TLL1: variants seen among roughly 807,000 people sequenced by gnomAD.
The protein encoded by TLL1 is tolloid-like protein 1.
TLL1 carries 49 observed loss-of-function variants against 128.2 expected under a neutral mutation model. The observed-to-expected ratio is 0.38, with a 90% CI of 0.30 to 0.48. The LOEUF is 0.48. Ranked by LOEUF, TLL1 falls within the 20% of genes least tolerant of loss-of-function variation. The pLI, the probability that TLL1 is intolerant of heterozygous loss-of-function variation, is 0.96. For missense variants in TLL1, 1,123 were observed against 1,242.0 expected (o/e 0.90, Z 1.44); for synonymous variants, 454 against 418.8 (o/e 1.08, Z -1.03).
intron 1 of TLL1, among the ~76,000 whole-genome samples, chr4:165,925,005 CA>C (rs200095408): frequency 1.3e-5 from 2 of 151,764 alleles, no homozygotes; most frequent in Admixed American, 6.6e-5. Context: ...CTTACTGCTC[CA>C]AAAAAAAGAT....
chr4:166,092,643 G>T (rs1407091698), intron 19 of TLL1, among the ~76,000 whole-genome samples: 1 of 151,956 alleles, frequency 6.6e-6, no homozygotes, highest in Non-Finnish European at 1.5e-5. Context: ...AGAAAATATC[G>T]TCATCATAGG....
intron 1 of TLL1, among the ~76,000 whole-genome samples, chr4:165,877,596 C>T (rs1387366415): frequency 6.6e-6 from 1 of 152,094 alleles, no homozygotes; most frequent in East Asian, 1.9e-4. Flanking sequence ...CTGTGAGGAG[C>T]CTGGGCAAAT....
At position 165,974,404 on chromosome 4, in the gene TLL1, TGC is replaced by T. The variant is rs1363590829; in HGVS notation, c.170-14976_170-14975del. ...ATCCGCCCGCCTCGGCCTCCCAAAG[TGC>T]TGGGATTACAGGCGTGAGCCACCGC... is the stretch of plus-strand genomic sequence containing the variant. On this transcript the variant is annotated intron_variant, in intron 1 of 20. Coordinates refer to ENST00000061240, the MANE Select transcript of TLL1 (RefSeq NM_012464.5). Among the ~76,000 whole-genome samples the T allele has an allele frequency of 3.1e-5, 4 of 130,982 alleles. 1 individual carries two copies. Among genetic ancestry groups the T allele is most frequent in the African/African-American group, 1.8e-4 (4 of 21,894 alleles). The allele number at this position is 130,982 out of a possible 152,430, so 85.9% of individuals were successfully genotyped here.
chr4:165,885,884 A>G (rs1391327850), intron 1 of TLL1, among the ~76,000 whole-genome samples: 1 of 152,180 alleles, frequency 6.6e-6, no homozygotes, highest in Non-Finnish European at 1.5e-5. Context: ...ATGTTAACAG[A>G]TATATCCTTA....
intron 8 of TLL1, among the ~76,000 whole-genome samples, chr4:166,024,377 G>T (rs1046809318): frequency 6.6e-6 from 1 of 152,176 alleles, no homozygotes; most frequent in Non-Finnish European, 1.5e-5. Flanking sequence ...CTTGTAATAT[G>T]ATAATAGCTC....
chr4:166,034,836 AG>A (rs1020903845), intron 9 of TLL1, among the ~76,000 whole-genome samples: 11 of 152,166 alleles, frequency 7.2e-5, no homozygotes, highest in Admixed American at 7.2e-4. Flanking sequence ...TCACTCTCAG[AG>A]GTAGAAGCTG....
At position 166,100,875 on chromosome 4, in the gene TLL1, A is replaced by T; in HGVS notation, c.3041A>T (p.Ter1014LeuextTer13). ...RYPDTTHTKK* is the reference protein window; with the variant it reads ...RYPDTTHTKKL The stretch of plus-strand genomic sequence containing the variant: ...CCAGATACCACACATACCAAAAAAT[A>T]ACACCAAAACCTCTGTCAGAACACA... The change falls in exon 21 of 21, where the codon TAA (stop) becomes TTA (leucine). Residue 1014 changes from the stop codon to leucine (L), a stop_lost. Transcript: ENST00000061240. The T allele has an allele frequency of 6.2e-7, 1 of 1,612,506 alleles. No individual in the cohort carries two copies. The highest frequency in any genetic ancestry group is 2.2e-5 in the East Asian group (1 of 44,604).
chr4:165,918,717 C>G (rs1258588660), intron 1 of TLL1, among the ~76,000 whole-genome samples: 1 of 152,142 alleles, frequency 6.6e-6, no homozygotes, highest in African/African-American at 2.4e-5. Flanking sequence ...CTATCATTTT[C>G]ATTTCCTCTA....
intron 9 of TLL1, among the ~76,000 whole-genome samples, chr4:166,029,690 G>A (rs1013436523): frequency 3.9e-5 from 6 of 152,066 alleles, no homozygotes; most frequent in Non-Finnish European, 7.4e-5. Flanking sequence ...CTTTGTGCCT[G>A]GCAATCATCA....
chr4:166,008,718 G>A (rs1473577811), intron 7 of TLL1, among the ~76,000 whole-genome samples: 1 of 151,198 alleles, frequency 6.6e-6, no homozygotes, highest in Non-Finnish European at 1.5e-5. Flanking sequence ...ATAGTTCCCA[G>A]GTAAGGAATT....
At chr4:165,892,037 G>C (rs749810795) in intron 1 of TLL1, among the ~76,000 whole-genome samples, 2 of 152,214 alleles carry the variant, frequency 1.3e-5, no homozygotes. Context: ...CTACAATCAC[G>C]GTGGAATGGG....
At chr4:165,958,334 A>C (rs1438426723) in intron 1 of TLL1, among the ~76,000 whole-genome samples, 1 of 109,192 alleles carries the variant, frequency 9.2e-6, no homozygotes, top group Non-Finnish European at 1.8e-5. Flanking sequence ...CCAACAGTGT[A>C]AAAGTGTTCC....
intron 1 of TLL1, among the ~76,000 whole-genome samples, chr4:165,975,602 A>G (rs1735840832): frequency 6.6e-6 from 1 of 152,218 alleles, no homozygotes; most frequent in Non-Finnish European, 1.5e-5. Flanking sequence ...AAAAGAAAAA[A>G]TATTATGGGT....
intron 5 of TLL1, among the ~76,000 whole-genome samples, chr4:165,999,661 A>G (rs1737059555): frequency 6.6e-6 from 1 of 151,362 alleles, no homozygotes; most frequent in African/African-American, 2.4e-5. Context: ...TTTTGTAAAA[A>G]TGAGGTTTCA....
intron 12 of TLL1, among the ~76,000 whole-genome samples, chr4:166,045,917 C>G (rs1261275021): frequency 1.3e-5 from 2 of 152,252 alleles, no homozygotes; most frequent in East Asian, 3.9e-4. Context: ...ACTTTCTTAC[C>G]TACAATTACC....
intron 5 of TLL1, among the ~76,000 whole-genome samples, chr4:165,995,878 A>G (rs1462322463): frequency 6.6e-6 from 1 of 152,124 alleles, no homozygotes; most frequent in Non-Finnish European, 1.5e-5. Flanking sequence ...CCCACATATC[A>G]ATTTTGTAAA....
intron 9 of TLL1, among the ~76,000 whole-genome samples, chr4:166,034,363 T>A (rs1738903019): frequency 6.6e-6 from 1 of 152,078 alleles, no homozygotes; most frequent in Admixed American, 6.6e-5. Flanking sequence ...GGAATGGGAA[T>A]AGAGCTGAGA....
chr4:166,083,407 C>A (rs1261734192), intron 18 of TLL1, among the ~76,000 whole-genome samples: 1 of 122,844 alleles, frequency 8.1e-6, no homozygotes, highest in African/African-American at 2.5e-5. Context: ...AAACACTTAA[C>A]ATCCACTATC....
At chr4:166,061,236 T>C (rs1177471303) in intron 15 of TLL1, among the ~76,000 whole-genome samples, 1 of 128,444 alleles carries the variant, frequency 7.8e-6, no homozygotes, top group African/African-American at 3.7e-5. Flanking sequence ...TTTCCTCCTT[T>C]CCTTTTTTTT....
Sources: allele counts gnomAD v4.1 joint callset (sites outside exome capture counted in the v4.1 genomes callset), GRCh38; gene constraint gnomAD v4.1.1; transcripts MANE v1.5; gene names NCBI Gene and HGNC (gene_info 2026-07-23, HGNC 2026-07-21).